Variants in DENND2A observed in about 807,000 individuals in gnomAD.
The protein encoded by DENND2A is DENN domain-containing protein 2A.
Under a neutral mutation model 105.3 loss-of-function variants are expected in DENND2A, and 53 were observed. The ratio of observed to expected loss-of-function variants is 0.50; its 90% CI spans 0.40 to 0.63. DENND2A has a LOEUF of 0.63. Among genes scored for constraint, DENND2A ranks in the 30% least tolerant of loss-of-function variants. DENND2A has a pLI of 0.00. For synonymous variants in DENND2A, 522 were observed against 508.4 expected (o/e 1.03, Z -0.36); for missense variants, 1,138 against 1,279.6 (o/e 0.89, Z 1.69).
At chr7:140,630,269 G>A (rs375585095) in intron 1 of DENND2A, among the ~76,000 whole-genome samples, 5 of 151,872 alleles carry the variant, frequency 3.3e-5, no homozygotes, top group East Asian at 3.9e-4. Flanking sequence ...TACCACCATG[G>A]CTGGCTAATT....
chr7:140,585,945 G>A (rs1195274124), intron 4 of DENND2A, among the ~76,000 whole-genome samples: 1 of 152,122 alleles, frequency 6.6e-6, no homozygotes, highest in African/African-American at 2.4e-5. Flanking sequence ...CAGCGCTTTA[G>A]CCAATCTAGG....
intron 13 of DENND2A, among the ~76,000 whole-genome samples, chr7:140,546,096 T>C (rs1796890246): frequency 6.6e-6 from 1 of 151,254 alleles, no homozygotes; most frequent in Non-Finnish European, 1.5e-5. Context: ...GCAAAGGGGG[T>C]GGGAGGGATG....
chr7:140,526,085 C>G (rs1024725068), intron 15 of DENND2A, among the ~76,000 whole-genome samples: 1 of 152,188 alleles, frequency 6.6e-6, no homozygotes, highest in Non-Finnish European at 1.5e-5. Flanking sequence ...GAGCTTCTCA[C>G]GCTGCCTTTT....
At chr7:140,578,696 C>A (rs553385252) in intron 5 of DENND2A, among the ~76,000 whole-genome samples, 2 of 151,894 alleles carry the variant, frequency 1.3e-5, no homozygotes, top group East Asian at 2.0e-4. Flanking sequence ...GCCTGGCCAA[C>A]ACGGCGAAAC....
At chr7:140,551,371 G>A (rs577454501) in intron 12 of DENND2A, among the ~76,000 whole-genome samples, 3 of 151,544 alleles carry the variant, frequency 2.0e-5, no homozygotes, top group Admixed American at 1.3e-4. Flanking sequence ...TGGGCAGAAC[G>A]AGGCAGAAGC....
intron 1 of DENND2A, among the ~76,000 whole-genome samples, chr7:140,634,670 A>T (rs947781295): frequency 1.3e-5 from 2 of 152,084 alleles, no homozygotes; most frequent in Non-Finnish European, 2.9e-5. Context: ...CAGGAGTTCC[A>T]AACCAGCCTG....
chr7:140,624,407 G>T (rs373645564), intron 1 of DENND2A, among the ~76,000 whole-genome samples: 3 of 152,166 alleles, frequency 2.0e-5, no homozygotes, highest in Non-Finnish European at 4.4e-5. Context: ...CTGGAAAAGC[G>T]CCTGGCACAG....
intron 14 of DENND2A, among the ~76,000 whole-genome samples, chr7:140,541,062 T>C (rs1109939): frequency 0.51 from 77,557 of 151,964 alleles, 21,399 homozygotes; most frequent in African/African-American, 0.73. Flanking sequence ...TGACATGTCC[T>C]CCTGCATTGC....
intron 12 of DENND2A, among the ~76,000 whole-genome samples, chr7:140,547,425 C>T (rs1430819662): frequency 6.6e-6 from 1 of 152,094 alleles, no homozygotes; most frequent in East Asian, 1.9e-4. Flanking sequence ...ATCAAAAGCA[C>T]CATGAGATAC....
intron 14 of DENND2A, among the ~76,000 whole-genome samples, chr7:140,534,296 GCTTATC>G (rs1354883340): frequency 1.3e-5 from 2 of 151,196 alleles, no homozygotes; most frequent in Non-Finnish European, 1.5e-5. Context: ...TGTTGGCCTG[GCTTATC>G]TCTAACTCTT....
intron 14 of DENND2A, among the ~76,000 whole-genome samples, chr7:140,534,319 A>C (rs1374870909): frequency 9.9e-5 from 15 of 150,960 alleles, no homozygotes; most frequent in African/African-American, 3.7e-4. Flanking sequence ...TCTTGACCTC[A>C]TGATCTGCCC....
chr7:140,592,110 G>C (rs1363761261), intron 3 of DENND2A, among the ~76,000 whole-genome samples: 9 of 146,282 alleles, frequency 6.2e-5, no homozygotes, highest in Non-Finnish European at 1.2e-4. Flanking sequence ...TGCAATCTCG[G>C]CTCGCTGCAG....
At position 140,601,466 on chromosome 7, in the gene DENND2A, G is replaced by A; in HGVS notation, c.932C>T (p.Pro311Leu). 1 of 1,613,956 alleles carries A rather than the reference G, an allele frequency of 6.2e-7. No homozygotes were observed. The highest frequency in any genetic ancestry group is 1.1e-5 in the South Asian group (1 of 91,024). The change falls in exon 3 of 20, where the codon CCC becomes CTC. Residue 311 changes from proline (P) to leucine (L), a missense_variant. Pro to Leu is a moderately conservative substitution (Grantham distance 98, BLOSUM62 -3). Around this residue, in one of 2 missense-constraint regions of DENND2A, gnomAD observed 511 missense variants for 499.9 expected, o/e 1.02. Coordinates refer to ENST00000496613, the MANE Select transcript of DENND2A (RefSeq NM_015689.5). The part of the protein sequence containing the change: ...SLPPPPLPSS[P>L]PPSSVNRRLW... ...TCTTCTGTTCACAGAGGAAGGTGGG[G>A]GAGAGGAGGGCAGAGGCGGGGGAGG...
intron 11 of DENND2A, among the ~76,000 whole-genome samples, chr7:140,557,834 G>A (rs141929878): frequency 1.1e-4 from 17 of 151,788 alleles, no homozygotes; most frequent in East Asian, 7.8e-4. Flanking sequence ...CACCGCGCCC[G>A]GCCGTATATA....
intron 1 of DENND2A, among the ~76,000 whole-genome samples, chr7:140,637,526 T>A (rs1305662647): frequency 6.6e-6 from 1 of 152,156 alleles, no homozygotes; most frequent in African/African-American, 2.4e-5. Context: ...CAAACAAGAT[T>A]TCCACCCTCC....
At chr7:140,562,598 C>T (rs577496822) in intron 9 of DENND2A, among the ~76,000 whole-genome samples, 4 of 152,152 alleles carry the variant, frequency 2.6e-5, no homozygotes, top group Admixed American at 2.6e-4. Context: ...GGAGGCAGAG[C>T]TTGCAGTGAG....
At chr7:140,562,544 C>A (rs199663825) in intron 9 of DENND2A, among the ~76,000 whole-genome samples, 3 of 152,174 alleles carry the variant, frequency 2.0e-5, no homozygotes, top group East Asian at 3.9e-4. Flanking sequence ...TGCCTGTAGT[C>A]CCAGCTACTC....
rs540905722 is a variant in DENND2A at position 140,554,708 on chromosome 7, A to G, written c.2037+928T>C. Among the ~76,000 whole-genome samples the G allele has an allele frequency of 5.3e-5, 8 of 152,338 alleles. No individual in the cohort carries two copies. The South Asian group carries it at 1.5e-3, about 28-fold the overall frequency. ...CAGGAAATGATGTTGGATTATACCTAGCTTTTGAGATCAGCATCATATAGG... is the reference window on the plus strand; with the variant it reads ...CAGGAAATGATGTTGGATTATACCTGGCTTTTGAGATCAGCATCATATAGG... On this transcript the variant is annotated intron_variant, in intron 12 of 19. Transcript: ENST00000496613.
intron 1 of DENND2A, among the ~76,000 whole-genome samples, chr7:140,623,278 G>A (rs1265306665): frequency 2.1e-5 from 3 of 140,222 alleles, no homozygotes; most frequent in Non-Finnish European, 3.0e-5. Flanking sequence ...TCATGCCACC[G>A]CACTCCAGCC....
Sources: allele counts gnomAD v4.1 joint callset (sites outside exome capture counted in the v4.1 genomes callset), GRCh38; gene constraint gnomAD v4.1.1; regional missense constraint gnomAD v4.1.1; transcripts MANE v1.5; gene names NCBI Gene and HGNC (gene_info 2026-07-23, HGNC 2026-07-21).